Variants in KCND3 observed in about 807,000 individuals in gnomAD.
KCND3 encodes the protein A-type voltage-gated potassium channel KCND3.
In KCND3, 9 loss-of-function variants were observed where a neutral mutation model predicts 51.1. The ratio of observed to expected loss-of-function variants is 0.18; its 90% confidence interval spans 0.11 to 0.31. The LOEUF (loss-of-function observed/expected upper bound fraction) is 0.31. Ranked by LOEUF, KCND3 falls within the 10% of genes least tolerant of loss-of-function variation. The probability of loss-of-function intolerance (pLI) is 1.00; values close to 1 mark genes in which losing one functional copy is unlikely to be tolerated. For synonymous variants in KCND3, 349 were observed against 368.0 expected, an observed-to-expected ratio of 0.95 and a Z score of 0.59; for missense variants, 526 against 903.8, an observed-to-expected ratio of 0.58 and a Z score of 5.36.
chr1:111,856,378 G>A (rs1282277424), intron 2 of KCND3, among the ~76,000 whole-genome samples: 2 of 152,200 alleles, frequency 1.3e-5, no homozygotes, highest in African/African-American at 2.4e-5. Context: ...TCCACACAGG[G>A]CGACTGTGAT....
chr1:111,970,273 T>A (rs184607312), intron 2 of KCND3, among the ~76,000 whole-genome samples: 1 of 152,310 alleles, frequency 6.6e-6, no homozygotes, highest in African/African-American at 2.4e-5. Context: ...CACCTCAGCC[T>A]CCCAATCCTT....
chr1:111,959,451 C>T (rs139971709), intron 2 of KCND3, among the ~76,000 whole-genome samples: 29 of 152,278 alleles, frequency 1.9e-4, no homozygotes, highest in East Asian at 3.9e-4. Context: ...CCAGGAAGCT[C>T]GCCCCATCCA....
intron 2 of KCND3, among the ~76,000 whole-genome samples, chr1:111,931,781 A>G (rs1029391561): frequency 6.6e-6 from 1 of 152,230 alleles, no homozygotes; most frequent in Admixed American, 6.5e-5. Flanking sequence ...GCAGAGACTC[A>G]TCTTCTGTGC....
intron 2 of KCND3, among the ~76,000 whole-genome samples, chr1:111,887,613 C>T (rs897908966): frequency 2.6e-5 from 4 of 152,140 alleles, no homozygotes; most frequent in Non-Finnish European, 4.4e-5. Flanking sequence ...AAACATTTAC[C>T]GAGTGGAGAA....
At chr1:111,876,181 C>T (rs564398709) in intron 2 of KCND3, among the ~76,000 whole-genome samples, 2 of 152,308 alleles carry the variant, frequency 1.3e-5, no homozygotes, top group Non-Finnish European at 1.5e-5. Context: ...TTGCCTATTC[C>T]CCTTCTCCCA....
chr1:111,863,004 GC>G (rs1226011355), intron 2 of KCND3, among the ~76,000 whole-genome samples: 1 of 152,182 alleles, frequency 6.6e-6, no homozygotes, highest in Non-Finnish European at 1.5e-5. Context: ...TTTTGCCTCT[GC>G]CCATTTTGAT....
chr1:111,962,148 T>A (rs1219120732), intron 2 of KCND3, among the ~76,000 whole-genome samples: 2 of 152,250 alleles, frequency 1.3e-5, no homozygotes, highest in African/African-American at 4.8e-5. Context: ...AACGTCATTA[T>A]TTTTAATCAT....
At chr1:111,847,708 GCA>G (rs1667620094) in intron 2 of KCND3, among the ~76,000 whole-genome samples, 1 of 152,140 alleles carries the variant, frequency 6.6e-6, no homozygotes, top group Non-Finnish European at 1.5e-5. Context: ...AGGCCCTTCA[GCA>G]CGAGGTAATG....
At chr1:111,886,044 T>C (rs1278861074) in intron 2 of KCND3, among the ~76,000 whole-genome samples, 1 of 152,178 alleles carries the variant, frequency 6.6e-6, no homozygotes, top group Admixed American at 6.5e-5. Context: ...ACTCAACCTA[T>C]AGTGTGGCTG....
At chr1:111,804,204 C>G (rs1448951382) in intron 2 of KCND3, among the ~76,000 whole-genome samples, 1 of 152,232 alleles carries the variant, frequency 6.6e-6, no homozygotes, top group East Asian at 1.9e-4. Context: ...AATGCTATGG[C>G]CAGGGACTCT....
intron 2 of KCND3, among the ~76,000 whole-genome samples, chr1:111,837,443 T>C (rs1257121060): frequency 6.6e-6 from 1 of 152,234 alleles, no homozygotes; most frequent in African/African-American, 2.4e-5. Context: ...CCCATGGCTC[T>C]ATGAGGTAGC....
At chr1:111,973,520 G>A (rs896855901) in intron 2 of KCND3, among the ~76,000 whole-genome samples, 1 of 152,240 alleles carries the variant, frequency 6.6e-6, no homozygotes, top group African/African-American at 2.4e-5. Context: ...GTTGCTGGCT[G>A]TGCCACTGGA....
At chr1:111,853,195 AAC>A (rs1436642342) in intron 2 of KCND3, among the ~76,000 whole-genome samples, 1 of 152,220 alleles carries the variant, frequency 6.6e-6, no homozygotes, top group Admixed American at 6.5e-5. Context: ...TTGGAAATGG[AAC>A]AACTGGGCTG....
chr1:111,803,556 C>A (rs1665422150), intron 2 of KCND3, among the ~76,000 whole-genome samples: 1 of 152,178 alleles, frequency 6.6e-6, no homozygotes, highest in Non-Finnish European at 1.5e-5. Context: ...GTCAGAGAAA[C>A]CCTCTGATAT....
At chr1:111,803,223 T>C (rs1211586544) in intron 2 of KCND3, among the ~76,000 whole-genome samples, 1 of 148,822 alleles carries the variant, frequency 6.7e-6, no homozygotes, top group African/African-American at 2.5e-5. Flanking sequence ...CCCCACCCCA[T>C]GTGAGCTGGT....
chr1:111,893,715 G>A (rs548453813), intron 2 of KCND3, among the ~76,000 whole-genome samples: 1 of 152,316 alleles, frequency 6.6e-6, no homozygotes, highest in South Asian at 2.1e-4. Flanking sequence ...CAGGGCCCAA[G>A]TGACAGGAGT....
At chr1:111,846,760 T>A (rs530301911) in intron 2 of KCND3, among the ~76,000 whole-genome samples, 2 of 152,332 alleles carry the variant, frequency 1.3e-5, no homozygotes, top group African/African-American at 4.8e-5. Flanking sequence ...CATGACCTCA[T>A]GTACTGTTTG....
At chr1:111,806,175 C>G (rs138036926) in intron 2 of KCND3, among the ~76,000 whole-genome samples, 1 of 152,198 alleles carries the variant, frequency 6.6e-6, no homozygotes, top group Non-Finnish European at 1.5e-5. Flanking sequence ...TCCCAAAGAA[C>G]GGGGTCACTC....
Position 111,982,865 on chromosome 1 carries a change from A to G in KCND3, c.-72-67T>C, listed in dbSNP as rs547600387. On this transcript the variant is annotated intron_variant, in intron 1 of 7. Transcript: ENST00000302127. The surrounding 1 kb of genome is among the most constrained non-coding windows in gnomAD (Gnocchi z 8.5). ...TCGACTGGCAGGTAAGAAATGGGACACAGGAAAGGATCACTGGTGAGTGAA... is the reference window on the plus strand; with the variant it reads ...TCGACTGGCAGGTAAGAAATGGGACGCAGGAAAGGATCACTGGTGAGTGAA... 3.7e-4 allele frequency: 454 copies of G among 1,214,360 alleles called. No individual in the cohort carries two copies. In the African/African-American group the frequency reaches 4.8e-3, roughly 13 times the overall value. The allele number at this position is 1,214,360 out of a possible 1,614,324, so 75.2% of individuals were successfully genotyped here.
Sources: allele counts gnomAD v4.1 joint callset (sites outside exome capture counted in the v4.1 genomes callset), GRCh38; gene constraint gnomAD v4.1.1; non-coding constraint Gnocchi (gnomAD v3.1); transcripts MANE v1.5; gene names NCBI Gene and HGNC (gene_info 2026-07-23, HGNC 2026-07-21).